CDK14: variants seen among roughly 807,000 people sequenced by gnomAD.
CDK14 encodes the protein cyclin dependent kinase 14, also known as cyclin-dependent kinase 14.
CDK14 carries 34 observed loss-of-function variants against 60.7 expected under a neutral mutation model. That is an observed-to-expected ratio of 0.56 (90% CI 0.43 to 0.75). The LOEUF (loss-of-function observed/expected upper bound fraction) is 0.75. Among genes scored for constraint, CDK14 ranks in the 30% least tolerant of loss-of-function variants. The probability of loss-of-function intolerance (pLI) is 0.00; values close to 1 mark genes in which losing one functional copy is unlikely to be tolerated. For synonymous variants in CDK14, 197 were observed against 203.7 expected (o/e 0.97, Z 0.28); for missense variants, 482 against 564.1 (o/e 0.85, Z 1.47).
chr7:90,606,722 G>T (rs1396873729), intron 2 of CDK14, among the ~76,000 whole-genome samples: 1 of 152,184 alleles, frequency 6.6e-6, no homozygotes, highest in Non-Finnish European at 1.5e-5. Flanking sequence ...TTTAATCCCT[G>T]AGTGTGTTGC....
At chr7:90,709,062 A>G (rs1327409942) in intron 2 of CDK14, among the ~76,000 whole-genome samples, 1 of 151,820 alleles carries the variant, frequency 6.6e-6, no homozygotes, top group Non-Finnish European at 1.5e-5. Context: ...ATTTTTCAGA[A>G]TGGTATGAGC....
At chr7:90,636,800 C>T (rs571763881) in intron 2 of CDK14, among the ~76,000 whole-genome samples, 37 of 152,228 alleles carry the variant, frequency 2.4e-4, no homozygotes, top group Non-Finnish European at 4.3e-4. Context: ...TGATTATTGC[C>T]GCAATTTTGG....
At chr7:90,631,586 T>C (rs969292342) in intron 2 of CDK14, among the ~76,000 whole-genome samples, 1 of 152,186 alleles carries the variant, frequency 6.6e-6, no homozygotes, top group African/African-American at 2.4e-5. Context: ...ACCAAACCCA[T>C]GAAGACTTAT....
intron 5 of CDK14, among the ~76,000 whole-genome samples, chr7:90,827,537 T>C (rs1789768104): frequency 6.6e-6 from 1 of 152,178 alleles, no homozygotes. Flanking sequence ...AAACACACCA[T>C]TCCTATGAGA....
At chr7:90,919,490 GA>G (rs1286377278) in intron 8 of CDK14, among the ~76,000 whole-genome samples, 7 of 152,118 alleles carry the variant, frequency 4.6e-5, no homozygotes, top group South Asian at 2.1e-4. Context: ...AAATTTAGAT[GA>G]TTTTTTTAGA....
rs1440141142 is a variant in CDK14 at position 90,888,097 on chromosome 7, AT to A, written c.640-11193del. 2.6e-5 allele frequency among the ~76,000 whole-genome samples: 4 copies of A among 152,316 alleles called. No homozygotes were observed. The East Asian group carries it at 7.7e-4, about 29-fold the overall frequency. On this transcript the variant is annotated intron_variant, in intron 6 of 14. Coordinates refer to ENST00000380050, the MANE Select transcript of CDK14 (RefSeq NM_001287135.2). Reference sequence around the variant, plus strand: ...CCAGGCGCAATGGCTCACACCTGTAATCCCAGCACTTTGGGAGGCCAAGGTG... The same window carrying A: ...CCAGGCGCAATGGCTCACACCTGTAACCCAGCACTTTGGGAGGCCAAGGTG...
intron 5 of CDK14, among the ~76,000 whole-genome samples, chr7:90,812,918 G>T (rs1267753323): frequency 1.3e-5 from 2 of 152,128 alleles, no homozygotes; most frequent in African/African-American, 4.8e-5. Context: ...CCTGGGTATT[G>T]TCTACCCAAG....
intron 4 of CDK14, among the ~76,000 whole-genome samples, chr7:90,769,990 C>A (rs1804721472): frequency 6.6e-6 from 1 of 152,176 alleles, no homozygotes; most frequent in Admixed American, 6.5e-5. Context: ...TCTTTTTTCT[C>A]ACGTAAAAGG....
chr7:90,727,755 C>T (rs1233407476), intron 3 of CDK14, among the ~76,000 whole-genome samples: 1 of 152,122 alleles, frequency 6.6e-6, no homozygotes, highest in Non-Finnish European at 1.5e-5. Context: ...ATCAGTTTTT[C>T]TCCCCCACTG....
chr7:91,123,107 G>C (rs1487321089), intron 14 of CDK14, among the ~76,000 whole-genome samples: 1 of 152,182 alleles, frequency 6.6e-6, no homozygotes, highest in African/African-American at 2.4e-5. Context: ...CTGATGGTGT[G>C]ATATCTTCAT....
chr7:91,155,409 G>A (rs1403163210), intron 14 of CDK14, among the ~76,000 whole-genome samples: 1 of 152,152 alleles, frequency 6.6e-6, no homozygotes, highest in Non-Finnish European at 1.5e-5. Flanking sequence ...TTTCATGATG[G>A]TTCTTTTGTT....
chr7:90,901,674 G>GTATATATATA (rs10646692), intron 7 of CDK14, among the ~76,000 whole-genome samples: 62 of 148,280 alleles, frequency 4.2e-4, no homozygotes, highest in African/African-American at 1.5e-3. Context: ...AGCTTTATAT[G>GTATATATATA]TATATATATA....
chr7:90,823,085 T>G (rs1226742514), intron 5 of CDK14, among the ~76,000 whole-genome samples: 3 of 152,156 alleles, frequency 2.0e-5, no homozygotes, highest in Admixed American at 6.5e-5. Context: ...AATAGAGGAA[T>G]CATAAAGTTG....
At position 90,732,009 on chromosome 7, in the gene CDK14, A is replaced by G. The variant is rs532628444; in HGVS notation, c.369+5197A>G. Among the ~76,000 whole-genome samples the G allele has an allele frequency of 1.2e-4, 18 of 152,218 alleles. No homozygotes were observed. In the East Asian group the frequency reaches 1.5e-3, roughly 13 times the overall value. On this transcript the variant is annotated intron_variant, in intron 3 of 14. Transcript: ENST00000380050. ...AATAGCTCTTATTATTTTGAGAAAC[A>G]TCCCATCAATACCTAGTTTCTTGAG...
At chr7:91,205,664 C>A (rs957235321) in intron 14 of CDK14, among the ~76,000 whole-genome samples, 4 of 152,114 alleles carry the variant, frequency 2.6e-5, no homozygotes, top group Non-Finnish European at 4.4e-5. Flanking sequence ...AAATTATATT[C>A]TTTTAAATGA....
In CDK14 at chr7:90,699,393, C is replaced by T. The variant is rs903621082; in HGVS notation, c.124-27174C>T. On this transcript the variant is annotated intron_variant, in intron 2 of 14. Transcript: ENST00000380050. ...AACGCTTGCTTTACTGAACACTATT[C>T]TAAGTAGTTTGTACATCATTTAGCC... Among the ~76,000 whole-genome samples the T allele has an allele frequency of 1.8e-4, 28 of 152,304 alleles. 1 individual carries two copies. The highest frequency in any genetic ancestry group is 1.2e-3 in the Admixed American group (19 of 15,300).
chr7:90,859,133 T>A (rs576948429), intron 5 of CDK14, among the ~76,000 whole-genome samples: 93 of 152,346 alleles, frequency 6.1e-4, no homozygotes, highest in Non-Finnish European at 1.1e-3. Flanking sequence ...AGTGTCTACT[T>A]TTCTTGCCTG....
At chr7:91,024,331 A>G (rs375669662) in intron 10 of CDK14, among the ~76,000 whole-genome samples, 16 of 152,190 alleles carry the variant, frequency 1.1e-4, no homozygotes, top group Admixed American at 2.6e-4. Context: ...AACTAGAATA[A>G]AAGAGTTTAA....
intron 3 of CDK14, among the ~76,000 whole-genome samples, chr7:90,733,565 A>G (rs1015148077): frequency 1.3e-5 from 2 of 152,156 alleles, no homozygotes; most frequent in Non-Finnish European, 2.9e-5. Flanking sequence ...TCCCTTTACC[A>G]TTAGTAATGT....
Sources: allele counts gnomAD v4.1 joint callset (sites outside exome capture counted in the v4.1 genomes callset), GRCh38; gene constraint gnomAD v4.1.1; transcripts MANE v1.5; gene names NCBI Gene and HGNC (gene_info 2026-07-23, HGNC 2026-07-21).